Variants in ABCA1 observed in about 807,000 individuals in gnomAD.
ABCA1 encodes phospholipid-transporting ATPase ABCA1.
ABCA1 carries 133 observed loss-of-function variants against 262.5 expected under a neutral mutation model. The ratio of observed to expected loss-of-function variants is 0.51; its 90% CI spans 0.44 to 0.59. ABCA1 has a LOEUF of 0.59. ABCA1 is among the 20% of genes least tolerant of loss of function. The probability of loss-of-function intolerance (pLI) is 0.00; values close to 1 mark genes in which losing one functional copy is unlikely to be tolerated. For missense variants in ABCA1, 2,452 were observed against 2,777.5 expected (o/e 0.88, Z 2.63); for synonymous variants, 1,022 against 1,043.5 (o/e 0.98, Z 0.40).
rs1199538877 is a variant in ABCA1 at position 104,810,848 on chromosome 9, C to T, written c.4127G>A (p.Ser1376Asn). 2 of 1,614,208 alleles carry T rather than the reference C, an allele frequency of 1.2e-6. No homozygotes were observed. Among genetic ancestry groups the T allele is most frequent in the South Asian group, 2.2e-5 (2 of 91,086 alleles). ...LIVPPFGKYP[S>N]LELQPWMYNE... ...GTACATCCAGGGCTGAAGTTCCAGG[C>T]TGGGGTACTTGCCAAAGGGTGGCAC... The change falls in exon 29 of 50, where the codon AGC becomes AAC. Residue 1376 changes from serine (S) to asparagine (N), a missense_variant. Ser to Asn is a conservative substitution (Grantham distance 46, BLOSUM62 1). Coordinates refer to ENST00000374736, the MANE Select transcript of ABCA1 (RefSeq NM_005502.4).
chr9:104,842,172 G>A (rs915364202), intron 8 of ABCA1, among the ~76,000 whole-genome samples: 6 of 152,250 alleles, frequency 3.9e-5, no homozygotes, highest in African/African-American at 1.4e-4. Context: ...TGGGTCAGAG[G>A]CCACAAGGAT....
At chr9:104,847,162 C>T (rs1478215844) in intron 7 of ABCA1, among the ~76,000 whole-genome samples, 1 of 152,026 alleles carries the variant, frequency 6.6e-6, no homozygotes, top group Non-Finnish European at 1.5e-5. Flanking sequence ...AACTTAAAAA[C>T]GTGGTAGTTA....
chr9:104,891,546 C>T (rs997914526), intron 2 of ABCA1, among the ~76,000 whole-genome samples: 2 of 151,480 alleles, frequency 1.3e-5, no homozygotes, highest in South Asian at 2.1e-4. Context: ...GAGAATCACT[C>T]GAACCCAGAA....
At chr9:104,871,679 C>A (rs1445358673) in intron 5 of ABCA1, among the ~76,000 whole-genome samples, 5 of 151,806 alleles carry the variant, frequency 3.3e-5, no homozygotes, top group African/African-American at 1.2e-4. Context: ...TACCTGAAGA[C>A]CAGAGAGGCA....
At chr9:104,900,488 G>A (rs1419073966) in intron 2 of ABCA1, among the ~76,000 whole-genome samples, 2 of 152,196 alleles carry the variant, frequency 1.3e-5, no homozygotes, top group African/African-American at 2.4e-5. Context: ...GGCAGGGCTG[G>A]TTCTCACTAT....
At chr9:104,852,537 CA>C (rs1385220344) in intron 7 of ABCA1, among the ~76,000 whole-genome samples, 1 of 152,106 alleles carries the variant, frequency 6.6e-6, no homozygotes, top group Non-Finnish European at 1.5e-5. Flanking sequence ...GATCTGGCAA[CA>C]ATATTTAATG....
At chr9:104,788,313 C>G (rs2118844376) in intron 45 of ABCA1, 113 bp downstream of exon 45, 1 of 1,435,926 alleles carries the variant, frequency 7.0e-7, no homozygotes, top group Non-Finnish European at 9.7e-7. Context: ...GCATTTTGTG[C>G]TGCTGCATTC....
In ABCA1 at chr9:104,903,757, G is replaced by T; in HGVS notation, c.-78C>A. 7.7e-7 allele frequency: 1 copy of T among 1,302,618 alleles called. No homozygotes were observed. The highest frequency in any genetic ancestry group is 1.1e-6 in the Non-Finnish European group (1 of 926,578). 80.7% of individuals were successfully genotyped at this position (1,302,618 alleles called of 1,614,324 possible). ...GGCCAGAGCTCACAGCAGGGACGCC[G>T]TGGCTGGTCATTAACTGAAAGATAA... On this transcript the variant is annotated 5_prime_UTR_variant, in exon 2 of 50. Coordinates refer to ENST00000374736, the MANE Select transcript of ABCA1 (RefSeq NM_005502.4).
intron 28 of ABCA1, among the ~76,000 whole-genome samples, chr9:104,811,936 G>C (rs1831315949): frequency 6.6e-6 from 1 of 152,180 alleles, no homozygotes; most frequent in Admixed American, 6.5e-5. Flanking sequence ...ATCATCAAAT[G>C]AAAGACTCTC....
chr9:104,910,182 C>G (rs553422270), intron 1 of ABCA1, among the ~76,000 whole-genome samples: 7 of 152,252 alleles, frequency 4.6e-5, no homozygotes, highest in Non-Finnish European at 1.0e-4. Context: ...CTCACTGGGA[C>G]AGAGAAATTG....
At chr9:104,884,316 T>A in intron 4 of ABCA1, 111 bp downstream of exon 4, 3 of 1,437,986 alleles carry the variant, frequency 2.1e-6, no homozygotes, top group Non-Finnish European at 2.9e-6. Context: ...CACAAGCATT[T>A]ACAAAAACAA....
intron 1 of ABCA1, among the ~76,000 whole-genome samples, chr9:104,910,635 C>G (rs959701851): frequency 6.6e-6 from 1 of 152,162 alleles, no homozygotes; most frequent in African/African-American, 2.4e-5. Flanking sequence ...CAACAAACTT[C>G]CAAAAAGTTA....
intron 9 of ABCA1, among the ~76,000 whole-genome samples, chr9:104,839,193 G>A (rs1018479125): frequency 2.0e-5 from 3 of 152,238 alleles, no homozygotes; most frequent in Admixed American, 2.0e-4. Flanking sequence ...GTGCTTAAGT[G>A]TGGGGAGTGG....
rs1035431047 is a variant in ABCA1, at chr9:104,782,804, G to C, written c.*1511C>G. On this transcript the variant is annotated 3_prime_UTR_variant, in exon 50 of 50. Transcript: ENST00000374736. The stretch of plus-strand genomic sequence containing the variant: ...TCCCTGTTGAAGAATTCATTGTTTA[G>C]ACTTGTGACCCTTATACTTTCTTGG... 1.3e-5 allele frequency: 2 copies of C among 148,774 alleles called. No homozygotes were observed. Among genetic ancestry groups the C allele is most frequent in the African/African-American group, 5.0e-5 (2 of 40,080 alleles). The allele number at this position is 148,774 out of a possible 1,614,324, so 9.2% of individuals were successfully genotyped here.
chr9:104,881,471 C>A (rs1838647962), intron 5 of ABCA1, among the ~76,000 whole-genome samples: 2 of 151,712 alleles, frequency 1.3e-5, no homozygotes, highest in Admixed American at 1.3e-4. Context: ...GATGTCACCA[C>A]TCCAAAAAAA....
intron 7 of ABCA1, among the ~76,000 whole-genome samples, chr9:104,850,233 T>A (rs1296357345): frequency 1.3e-5 from 2 of 152,204 alleles, no homozygotes; most frequent in Non-Finnish European, 2.9e-5. Flanking sequence ...GCAATTCTCC[T>A]GCCTCAGTCT....
At position 104,883,088 on chromosome 9, in the gene ABCA1, G is replaced by A; in HGVS notation, c.372C>T (p.Asp124=). 6.2e-7 allele frequency: 1 copy of A among 1,614,222 alleles called. No homozygotes were observed. Among genetic ancestry groups the A allele is most frequent in the Non-Finnish European group, 8.5e-7 (1 of 1,180,036 alleles). Residue 124 remains aspartate, a synonymous_variant, in exon 5 of 50, where the codon GAC becomes GAT. Coordinates refer to ENST00000374736, the MANE Select transcript of ABCA1 (RefSeq NM_005502.4). ...LYSQKDTSMK[D]MRKVLRTLQQ... Reference sequence around the variant, plus strand: ...GTAATGTTCTCAGAACTTTGCGCATGTCCTTCATGCTGGTGTCTTTCTGGC... The same window carrying A: ...GTAATGTTCTCAGAACTTTGCGCATATCCTTCATGCTGGTGTCTTTCTGGC...
chr9:104,812,835 G>C, intron 27 of ABCA1, 113 bp from the exon 28 acceptor site: 5 of 1,407,622 alleles, frequency 3.6e-6, no homozygotes, highest in Non-Finnish European at 4.0e-6. Flanking sequence ...TCTGAAGCTA[G>C]AAGTTTCTCA....
rs116033254 is a variant in ABCA1, at chr9:104,868,914, G to A, written c.422-7114C>T. On this transcript the variant is annotated intron_variant, in intron 5 of 49. Coordinates refer to ENST00000374736, the MANE Select transcript of ABCA1 (RefSeq NM_005502.4). ...GAGGGGTATGACGCGGGGTGGGGGC[G>A]AGGTCCTGCTTTCCAGGCCATTCAG... Among the ~76,000 whole-genome samples the A allele has an allele frequency of 9.9e-3, 1,512 of 152,102 alleles. 31 individuals carry two copies. Among genetic ancestry groups the A allele is most frequent in the African/African-American group, 0.034 (1,430 of 41,480 alleles).
Sources: allele counts gnomAD v4.1 joint callset (sites outside exome capture counted in the v4.1 genomes callset), GRCh38; gene constraint gnomAD v4.1.1; transcripts MANE v1.5; gene names NCBI Gene and HGNC (gene_info 2026-07-23, HGNC 2026-07-21).